CXorf66: variants seen among roughly 807,000 people sequenced by gnomAD.
CXorf66 encodes the protein chromosome X open reading frame 66, also known as uncharacterized protein CXorf66.
In CXorf66, 6 loss-of-function variants were observed where a neutral mutation model predicts 5.0. The observed-to-expected ratio is 1.20, with a 90% confidence interval of 0.65 to 2.36. The LOEUF is 2.36. CXorf66 is among the 30% of genes most tolerant of loss of function. The pLI is 0.00. For synonymous variants in CXorf66, 98 were observed against 102.8 expected (o/e 0.95, Z 0.28); for missense variants, 270 against 254.9 (o/e 1.06, Z -0.40).
chrX:139,965,484 T>C lies in CXorf66; in HGVS notation c.13A>G (p.Ile5Val), dbSNP rs1926668764. 1 of 1,203,118 alleles carries C rather than the reference T, an allele frequency of 8.3e-7. No individual in the cohort carries two copies. The highest frequency in any genetic ancestry group is 1.7e-5 in the African/African-American group (1 of 57,420). MNLV[I>V]CVLLLSIWKN... ...CAAATGGACAAAAGTAGGACACAAA[T>C]AACAAGATTCATGTCCGCAACTTGG... The change falls in exon 1 of 3, where the codon ATT becomes GTT. Residue 5 changes from isoleucine to valine, a missense_variant. By Grantham distance (29) the Ile-to-Val change is conservative. Transcript: ENST00000370540.
chrX:139,959,947 A>G (rs1374968899), intron 1 of CXorf66, among the ~76,000 whole-genome samples: 2 of 112,224 alleles, frequency 1.8e-5, no homozygotes, highest in African/African-American at 6.5e-5. Flanking sequence ...TCAAAGGTAG[A>G]TAAATCCACA....
At chrX:139,965,229 T>C (rs1444168442) in intron 1 of CXorf66, among the ~76,000 whole-genome samples, 180 bp downstream of exon 1, 1 of 111,584 alleles carries the variant, frequency 9.0e-6, no homozygotes, top group Non-Finnish European at 1.9e-5. Context: ...TCTTGATGCT[T>C]ATATTTTGCT....
intron 1 of CXorf66, among the ~76,000 whole-genome samples, chrX:139,965,182 TG>T (rs1926662560): frequency 9.0e-6 from 1 of 111,117 alleles, no homozygotes. Flanking sequence ...GTATATTGAG[TG>T]GGGAAGGGTG....
At position 139,956,336 on chromosome X, in the gene CXorf66, G is replaced by T; in HGVS notation, c.646C>A (p.Leu216Ile). The change falls in exon 3 of 3, where the codon CTT becomes ATT. Residue 216 changes from leucine to isoleucine, a missense_variant. By Grantham distance (5) the Leu-to-Ile change is conservative. Transcript: ENST00000370540. ...PVRPPQLFKP[L>I]YSSHPQNEIS... is the part of the protein sequence containing the mutation. Reference sequence around the variant, plus strand: ...TCATTTTGTGGATGAGATGAATAAAGTGGCTTGAATAGCTGAGGTGGCCTG... The same window carrying T: ...TCATTTTGTGGATGAGATGAATAAATTGGCTTGAATAGCTGAGGTGGCCTG... 8.3e-7 allele frequency: 1 copy of T among 1,211,827 alleles called. No homozygotes were observed. The highest frequency in any genetic ancestry group is 1.1e-6 in the Non-Finnish European group (1 of 895,389).
intron 1 of CXorf66, among the ~76,000 whole-genome samples, chrX:139,961,435 C>T (rs2085593167): frequency 8.9e-6 from 1 of 111,869 alleles, no homozygotes; most frequent in Non-Finnish European, 1.9e-5. Context: ...ATACAACAAA[C>T]TCTTAGACAC....
intron 1 of CXorf66, among the ~76,000 whole-genome samples, chrX:139,962,565 C>T (rs766313514): frequency 1.8e-5 from 2 of 111,642 alleles, no homozygotes; most frequent in Admixed American, 9.6e-5. Context: ...CTCCCTAACT[C>T]GTTTTATGAG....
chrX:139,961,212 C>T (rs980877486), intron 1 of CXorf66, among the ~76,000 whole-genome samples: 1 of 111,211 alleles, frequency 9.0e-6, no homozygotes, highest in Non-Finnish European at 1.9e-5. Flanking sequence ...CACACATAGG[C>T]TCAAAATAAA....
chrX:139,956,133 G>A lies in CXorf66; in HGVS notation c.849C>T (p.Val283=). The A allele has an allele frequency of 8.3e-7, 1 of 1,211,480 alleles. No individual in the cohort carries two copies. The highest frequency in any genetic ancestry group is 1.1e-6 in the Non-Finnish European group (1 of 895,330). The part of the protein sequence containing the change: ...HLVAKTYRPL[V]NDISEAKEKN... ...TCTCCTTTGCCTCAGAAATATCATT[G>A]ACCAAAGGCCTATAAGTTTTGGCAA... is the stretch of plus-strand genomic sequence containing the variant. Residue 283 remains valine, a synonymous_variant, in exon 3 of 3, where the codon GTC becomes GTT. Coordinates refer to ENST00000370540, the MANE Select transcript of CXorf66 (RefSeq NM_001013403.3).
chrX:139,962,404 C>G (rs1603422820), intron 1 of CXorf66, among the ~76,000 whole-genome samples: 1 of 111,350 alleles, frequency 9.0e-6, no homozygotes, highest in African/African-American at 3.3e-5. Context: ...AGACCAATAA[C>G]AAGTTCTGAA....
intron 1 of CXorf66, 101 bp from the exon 2 acceptor site, chrX:139,958,318 G>C (rs7053442): frequency 0.15 from 86,507 of 587,591 alleles, 9,842 homozygotes; most frequent in African/African-American, 0.64. Flanking sequence ...ATTTCTTCAT[G>C]AATTATTTTT....
At chrX:139,957,613 T>G in intron 2 of CXorf66, among the ~76,000 whole-genome samples, 1 of 111,928 alleles carries the variant, frequency 8.9e-6, no homozygotes, top group Middle Eastern at 4.6e-3. Context: ...TGGGATATTT[T>G]TAGGGAACTA....
chrX:139,958,717 A>C (rs1175274569), intron 1 of CXorf66, among the ~76,000 whole-genome samples: 1 of 110,439 alleles, frequency 9.1e-6, no homozygotes, highest in Non-Finnish European at 1.9e-5. Context: ...AGTTCATCTC[A>C]CTGGAACTAC....
chrX:139,962,874 C>A (rs1222205848), intron 1 of CXorf66, among the ~76,000 whole-genome samples: 1 of 111,806 alleles, frequency 8.9e-6, no homozygotes. Flanking sequence ...ATTCAACACC[C>A]CTTCATGCTA....
chrX:139,957,001 A>G (rs192650474), intron 2 of CXorf66, among the ~76,000 whole-genome samples: 6 of 110,846 alleles, frequency 5.4e-5, no homozygotes, highest in Admixed American at 2.9e-4. Context: ...CTCCATCTCT[A>G]CTAAAAATAC....
chrX:139,955,748 G>T lies in CXorf66; in HGVS notation c.*148C>A. ...AGTAATTTATGTCATGCATTTTATT[G>T]ATATTTTTAAAATAAATCGCCTCCA... On this transcript the variant is annotated 3_prime_UTR_variant, in exon 3 of 3. Coordinates refer to ENST00000370540, the MANE Select transcript of CXorf66 (RefSeq NM_001013403.3). 2.3e-6 allele frequency: 1 copy of T among 440,906 alleles called. No homozygotes were observed. The highest frequency in any genetic ancestry group is 4.8e-5 in the Admixed American group (1 of 20,896). 36.3% of individuals were successfully genotyped at this position (440,906 alleles called of 1,213,427 possible). A position where few individuals can be genotyped will look rare whatever the true frequency, so the allele number is the denominator to read the frequency against.
At chrX:139,959,555 T>A (rs982523817) in intron 1 of CXorf66, among the ~76,000 whole-genome samples, 3 of 112,418 alleles carry the variant, frequency 2.7e-5, no homozygotes, top group Non-Finnish European at 5.6e-5. Context: ...CAAGGAGGAT[T>A]CTTCCAGCAC....
intron 1 of CXorf66, among the ~76,000 whole-genome samples, chrX:139,962,638 A>C (rs985297189): frequency 4.5e-5 from 5 of 112,067 alleles, no homozygotes; most frequent in African/African-American, 1.6e-4. Flanking sequence ...ATTTCAGGTC[A>C]ATATCCCTGA....
chrX:139,960,111 G>A (rs1402746095), intron 1 of CXorf66, among the ~76,000 whole-genome samples: 1 of 110,200 alleles, frequency 9.1e-6, no homozygotes, highest in Non-Finnish European at 1.9e-5. Flanking sequence ...CAGAAGATGG[G>A]TAATAACAAA....
intron 1 of CXorf66, 105 bp downstream of exon 1, chrX:139,965,304 A>G (rs1163749213): frequency 3.6e-6 from 2 of 560,286 alleles, no homozygotes; most frequent in Non-Finnish European, 5.9e-6. Flanking sequence ...TAACACTGCT[A>G]AAAGTAACAG....
Sources: gnomAD v4.1 joint callset for allele counts (sites outside exome capture counted in the v4.1 genomes callset) on GRCh38, gnomAD v4.1.1 for gene constraint, MANE v1.5 for transcripts, NCBI Gene and HGNC (gene_info 2026-07-23, HGNC 2026-07-21) for gene names.